ARHGEF10: variants seen among roughly 807,000 people sequenced by gnomAD.
ARHGEF10 encodes the protein Rho guanine nucleotide exchange factor 10, also known as Rho guanine nucleotide exchange factor (GEF) 10.
ARHGEF10 carries 140 observed loss-of-function variants against 147.4 expected under a neutral mutation model. The observed-to-expected ratio is 0.95, with a 90% CI of 0.83 to 1.09. The LOEUF (loss-of-function observed/expected upper bound fraction) is 1.09. Ranked by LOEUF, ARHGEF10 falls within the 50% of genes least tolerant of loss-of-function variation. ARHGEF10 has a pLI of 0.00. For missense variants in ARHGEF10, 2,222 were observed against 1,752.7 expected (o/e 1.27, Z -4.78); for synonymous variants, 902 against 695.8 (o/e 1.30, Z -4.67).
intron 2 of ARHGEF10, among the ~76,000 whole-genome samples, chr8:1,848,581 G>C (rs965695071): frequency 1.3e-5 from 2 of 152,152 alleles, no homozygotes; most frequent in South Asian, 4.1e-4. Flanking sequence ...TGTAAATGTA[G>C]GGAAGCTACA....
intron 26 of ARHGEF10, among the ~76,000 whole-genome samples, chr8:1,936,768 C>A (rs1813646343): frequency 6.6e-6 from 1 of 152,226 alleles, no homozygotes; most frequent in African/African-American, 2.4e-5. Context: ...TTTGCACACA[C>A]TGACGAGACC....
intron 14 of ARHGEF10, 56 bp from the exon 15 acceptor site, chr8:1,898,377 G>GGCAGGGAGGGCATGGCAGCCCT (rs1434117289): frequency 6.6e-7 from 1 of 1,510,750 alleles, no homozygotes; most frequent in African/African-American, 1.4e-5. Flanking sequence ...CGGCCCCAGG[G>GGCAGGGAGGGCATGGCAGCCCT]GCAGGGAGGG....
chr8:1,832,979 GAGAC>G (rs1221214099), intron 1 of ARHGEF10, among the ~76,000 whole-genome samples: 1 of 85,686 alleles, frequency 1.2e-5, no homozygotes, highest in Non-Finnish European at 2.4e-5. Flanking sequence ...GAGGCAGAGA[GAGAC>G]AGAGACAGAG....
intron 1 of ARHGEF10, among the ~76,000 whole-genome samples, chr8:1,838,746 G>A (rs752986706): frequency 3.3e-5 from 5 of 152,180 alleles, no homozygotes; most frequent in African/African-American, 9.7e-5. Flanking sequence ...ACTGTGCAGC[G>A]TGGGGGCCAT....
chr8:1,826,367 T>G (rs909777693), intron 1 of ARHGEF10, among the ~76,000 whole-genome samples: 1 of 152,110 alleles, frequency 6.6e-6, no homozygotes. Context: ...TTTGTGTTTG[T>G]ATGCATGTGT....
intron 8 of ARHGEF10, among the ~76,000 whole-genome samples, chr8:1,879,754 C>T (rs1005187149): frequency 1.3e-5 from 2 of 151,968 alleles, no homozygotes; most frequent in Admixed American, 6.6e-5. Flanking sequence ...GGTTTCACCA[C>T]GTTGCCCAGG....
At chr8:1,918,541 A>G (rs1247459696) in intron 18 of ARHGEF10, among the ~76,000 whole-genome samples, 1 of 151,788 alleles carries the variant, frequency 6.6e-6, no homozygotes, top group Non-Finnish European at 1.5e-5. Flanking sequence ...GTTGACAAAT[A>G]ATCATATACA....
intron 7 of ARHGEF10, chr8:1,870,771 A>G (rs530302032): frequency 6.6e-6 from 1 of 152,196 alleles, no homozygotes; most frequent in Non-Finnish European, 1.5e-5. Context: ...TGTTGGGGTG[A>G]GAGATTTTAA....
intron 8 of ARHGEF10, among the ~76,000 whole-genome samples, chr8:1,879,297 G>T (rs142660106): frequency 1.3e-5 from 2 of 152,092 alleles, no homozygotes; most frequent in African/African-American, 4.8e-5. Context: ...TTGAAAATCC[G>T]TGCTGCCATC....
chr8:1,895,225 C>T (rs148442714), intron 13 of ARHGEF10, among the ~76,000 whole-genome samples: 417 of 152,328 alleles, frequency 2.7e-3, no homozygotes, highest in Middle Eastern at 0.01. Flanking sequence ...TCATTTTATC[C>T]TCACTCCGTG....
In ARHGEF10 at chr8:1,876,658, G is replaced by T. The variant is rs1191536447; in HGVS notation, c.767G>T (p.Ser256Ile). Residue 256 changes from serine (S) to isoleucine (I), a missense_variant, in exon 8 of 29, where the codon AGT (serine) becomes ATT (isoleucine). Physicochemically the swap from Ser to Ile is moderately radical, Grantham distance 142. Transcript: ENST00000349830. Reference sequence around the variant, plus strand: ...GGATGGAGTTCGAGTGAATTTGAAAGTTACGAAGAGCAGAGTGACTCGGAG... The same window carrying T: ...GGATGGAGTTCGAGTGAATTTGAAATTTACGAAGAGCAGAGTGACTCGGAG... ...EYGWSSSEFE[S>I]YEEQSDSECK... The T allele has an allele frequency of 6.2e-7, 1 of 1,614,122 alleles. No individual in the cohort carries two copies. The highest frequency in any genetic ancestry group is 8.5e-7 in the Non-Finnish European group (1 of 1,180,044).
At chr8:1,923,911 G>C in intron 21 of ARHGEF10, 37 bp downstream of exon 21, 5 of 1,591,940 alleles carry the variant, frequency 3.1e-6, no homozygotes, top group Non-Finnish European at 4.3e-6. Context: ...TGAGGCATGC[G>C]GCGTGATGAT....
At chr8:1,878,314 C>G (rs150588524) in intron 8 of ARHGEF10, among the ~76,000 whole-genome samples, 120 of 152,218 alleles carry the variant, frequency 7.9e-4, no homozygotes, top group African/African-American at 2.7e-3. Flanking sequence ...CTCAGCCTCT[C>G]AAGTAGCTGG....
chr8:1,893,173 A>C (rs1809691897), intron 11 of ARHGEF10, among the ~76,000 whole-genome samples: 1 of 152,026 alleles, frequency 6.6e-6, no homozygotes, highest in Non-Finnish European at 1.5e-5. Flanking sequence ...ATTTTAGATA[A>C]GTGTTGCTAA....
chr8:1,868,522 A>T (rs1453286479), intron 6 of ARHGEF10, among the ~76,000 whole-genome samples: 1 of 152,240 alleles, frequency 6.6e-6, no homozygotes, highest in African/African-American at 2.4e-5. Context: ...TGGTCATCTC[A>T]TACAGCACGG....
rs1805963975 is a variant in ARHGEF10 at position 1,860,021 on chromosome 8, C to T, written c.318C>T (p.Pro106=). Residue 106 remains proline (P), a synonymous_variant, in exon 4 of 29, where the codon CCC becomes CCT. Coordinates refer to ENST00000349830, the MANE Select transcript of ARHGEF10 (RefSeq NM_014629.4). ...CGCCATTCCAGGAGGACCAGCCGCC[C>T]ACCCCCGTGCCCAGCGCTGAGGAGG... ...DITPFQEDQP[P]TPVPSAEEEN... is the part of the protein sequence containing the mutation. 3 of 1,613,994 alleles carry T rather than the reference C, an allele frequency of 1.9e-6. No individual in the cohort carries two copies. The highest frequency in any genetic ancestry group is 2.5e-6 in the Non-Finnish European group (3 of 1,180,012).
rs1218978960 is a variant in ARHGEF10 at position 1,898,474 on chromosome 8, C to T, written c.1599C>T (p.Ser533=). Residue 533 remains serine (S), a synonymous_variant, in exon 15 of 29, where the codon AGC becomes AGT. Transcript: ENST00000349830. ...EASPDRTTLY[S]LMMKPIQRFP... ...GCCCCGATCGAACCACGCTCTACAGCCTGATGATGAAGCCCATCCAGAGGT... is the reference window on the plus strand; with the variant it reads ...GCCCCGATCGAACCACGCTCTACAGTCTGATGATGAAGCCCATCCAGAGGT... The T allele has an allele frequency of 8.7e-6, 14 of 1,614,056 alleles. No homozygotes were observed. Among genetic ancestry groups the T allele is most frequent in the African/African-American group, 1.3e-5 (1 of 74,940 alleles).
intron 9 of ARHGEF10, among the ~76,000 whole-genome samples, chr8:1,880,547 A>G (rs1382083580): frequency 2.8e-4 from 42 of 152,248 alleles, no homozygotes; most frequent in Admixed American, 2.7e-3. Flanking sequence ...TTTTAAATGA[A>G]CATTTATAAA....
chr8:1,925,616 T>C (rs916538908), intron 22 of ARHGEF10, among the ~76,000 whole-genome samples: 1 of 152,230 alleles, frequency 6.6e-6, no homozygotes, highest in African/African-American at 2.4e-5. Context: ...TGAAGCCCAG[T>C]CCTGGGCCAG....
Sources: allele counts gnomAD v4.1 joint callset (sites outside exome capture counted in the v4.1 genomes callset), GRCh38; gene constraint gnomAD v4.1.1; transcripts MANE v1.5; gene names NCBI Gene and HGNC (gene_info 2026-07-23, HGNC 2026-07-21).